The following EPHA6 variants were observed in gnomAD, a reference collection of about 807,000 sequenced individuals.
EPHA6 encodes the protein EPH receptor A6.
Under a neutral mutation model 112.0 loss-of-function variants are expected in EPHA6, and 50 were observed. The observed-to-expected ratio is 0.45, with a 90% CI of 0.36 to 0.56. The LOEUF (loss-of-function observed/expected upper bound fraction) is 0.56. EPHA6 is among the 20% of genes least tolerant of loss of function. The pLI is 0.00. For synonymous variants in EPHA6, 529 were observed against 490.7 expected, an observed-to-expected ratio of 1.08 and a Z score of -1.03; for missense variants, 1,280 against 1,417.4, an observed-to-expected ratio of 0.90 and a Z score of 1.56.
chr3:97,321,513 C>T (rs1232493123), intron 5 of EPHA6, among the ~76,000 whole-genome samples: 1 of 151,848 alleles, frequency 6.6e-6, no homozygotes, highest in South Asian at 2.1e-4. Context: ...ATTATCTTGT[C>T]CAAATTTTCA....
chr3:96,866,688 T>A (rs574052999), intron 1 of EPHA6, 137 bp from the exon 2 acceptor site: 1 of 420,558 alleles, frequency 2.4e-6, no homozygotes, highest in South Asian at 5.8e-5. Context: ...TTTCTGAAGA[T>A]AACTCATTAA....
intron 3 of EPHA6, among the ~76,000 whole-genome samples, chr3:97,016,037 C>G (rs2044253988): frequency 7.2e-6 from 1 of 138,886 alleles, no homozygotes; most frequent in East Asian, 2.0e-4. Flanking sequence ...CTTCATTCTT[C>G]CTGAAAAAAA....
chr3:97,225,546 A>G (rs1355712876), intron 3 of EPHA6, among the ~76,000 whole-genome samples: 1 of 152,174 alleles, frequency 6.6e-6, no homozygotes, highest in Admixed American at 6.5e-5. Flanking sequence ...GAGTGACTAT[A>G]TACTATTTAT....
chr3:97,341,348 A>G (rs1352589652), intron 5 of EPHA6, among the ~76,000 whole-genome samples: 3 of 151,244 alleles, frequency 2.0e-5, no homozygotes, highest in African/African-American at 7.3e-5. Flanking sequence ...TATTCTGCTC[A>G]TGCTTTTCTT....
intron 4 of EPHA6, among the ~76,000 whole-genome samples, chr3:97,237,276 A>G (rs1389892008): frequency 6.6e-6 from 1 of 151,862 alleles, no homozygotes; most frequent in African/African-American, 2.4e-5. Context: ...GCAATGCTGT[A>G]TTTTTAAAAT....
At chr3:97,543,553 G>T (rs1014549397) in intron 11 of EPHA6, among the ~76,000 whole-genome samples, 1 of 152,108 alleles carries the variant, frequency 6.6e-6, no homozygotes, top group African/African-American at 2.4e-5. Context: ...TGTTCTTTTG[G>T]CTTAGGATTG....
At chr3:97,558,702 T>C (rs1234271693) in intron 11 of EPHA6, among the ~76,000 whole-genome samples, 1 of 152,000 alleles carries the variant, frequency 6.6e-6, no homozygotes, top group Non-Finnish European at 1.5e-5. Flanking sequence ...TCAAGTGCTT[T>C]TAGGAAGCAG....
At chr3:97,349,865 T>A (rs1452222512) in intron 5 of EPHA6, among the ~76,000 whole-genome samples, 1 of 152,026 alleles carries the variant, frequency 6.6e-6, no homozygotes, top group Non-Finnish European at 1.5e-5. Flanking sequence ...GTGATAAAAA[T>A]TTTTAAAAAA....
intron 11 of EPHA6, among the ~76,000 whole-genome samples, chr3:97,533,147 C>T (rs2092714279): frequency 6.6e-6 from 1 of 151,812 alleles, no homozygotes; most frequent in African/African-American, 2.4e-5. Flanking sequence ...AAATAGATTG[C>T]TATATATTCA....
chr3:97,338,967 C>T (rs2083183818), intron 5 of EPHA6, among the ~76,000 whole-genome samples: 1 of 152,214 alleles, frequency 6.6e-6, no homozygotes, highest in African/African-American at 2.4e-5. Flanking sequence ...CCAATCTCTA[C>T]TACTATATTG....
chr3:97,555,852 G>C (rs1014794448), intron 11 of EPHA6, among the ~76,000 whole-genome samples: 3 of 151,876 alleles, frequency 2.0e-5, no homozygotes, highest in African/African-American at 4.8e-5. Flanking sequence ...AGTAGGTTGC[G>C]AAAATTTTCT....
At chr3:97,619,059 C>T (rs2093790383) in intron 13 of EPHA6, among the ~76,000 whole-genome samples, 2 of 152,064 alleles carry the variant, frequency 1.3e-5, no homozygotes, top group South Asian at 2.1e-4. Context: ...AAGAGCTTAT[C>T]CACCATGATC....
intron 3 of EPHA6, among the ~76,000 whole-genome samples, chr3:96,999,910 C>G (rs1221567983): frequency 6.6e-6 from 1 of 151,768 alleles, no homozygotes; most frequent in Non-Finnish European, 1.5e-5. Flanking sequence ...AATCAGTGTC[C>G]ATATCTTTTG....
chr3:97,488,106 G>A (rs1044278240), intron 10 of EPHA6, among the ~76,000 whole-genome samples: 2 of 152,156 alleles, frequency 1.3e-5, no homozygotes, highest in African/African-American at 4.8e-5. Context: ...AATGATTCTT[G>A]TGTCGCTAAG....
chr3:97,385,835 T>C (rs987976226), intron 5 of EPHA6, among the ~76,000 whole-genome samples: 1 of 152,146 alleles, frequency 6.6e-6, no homozygotes, highest in Admixed American at 6.5e-5. Context: ...TACACACTTT[T>C]AAACAAAAGT....
chr3:97,419,544 G>C (rs956406484), intron 6 of EPHA6, among the ~76,000 whole-genome samples: 5 of 152,054 alleles, frequency 3.3e-5, no homozygotes, highest in African/African-American at 9.7e-5. Context: ...AGAATCGCTT[G>C]AACCTGGGAG....
chr3:96,838,047 G>A (rs931385768), intron 1 of EPHA6, among the ~76,000 whole-genome samples: 42 of 151,886 alleles, frequency 2.8e-4, no homozygotes, highest in African/African-American at 9.2e-4. Flanking sequence ...ATGGCCCTCC[G>A]ACAGGCCCCA....
chr3:97,739,827 T>C (rs2035425336), intron 16 of EPHA6, among the ~76,000 whole-genome samples: 1 of 152,174 alleles, frequency 6.6e-6, no homozygotes, highest in African/African-American at 2.4e-5. Context: ...ACTGTATTAA[T>C]ATAGGCAGTT....
intron 14 of EPHA6, chr3:97,646,408 G>A (rs2094063828): frequency 3.5e-6 from 3 of 845,600 alleles, no homozygotes; most frequent in Non-Finnish European, 5.0e-6. Flanking sequence ...TGAAGAATGA[G>A]ATTTACACCT....
Sources: gnomAD v4.1 joint callset for allele counts (sites outside exome capture counted in the v4.1 genomes callset) on GRCh38, gnomAD v4.1.1 for gene constraint, MANE v1.5 for transcripts, NCBI Gene and HGNC (gene_info 2026-07-23, HGNC 2026-07-21) for gene names.